Variants in ACBD6 observed in about 807,000 individuals in gnomAD.
ACBD6 encodes the protein acyl-CoA binding domain containing 6, also known as acyl-CoA-binding domain-containing protein 6.
ACBD6 carries 28 observed loss-of-function variants against 37.2 expected under a neutral mutation model. That is an observed-to-expected ratio of 0.75 (90% CI 0.56 to 1.03). ACBD6 has a LOEUF of 1.03. ACBD6 is among the 50% of genes least tolerant of loss of function. The pLI, the probability that ACBD6 is intolerant of heterozygous loss-of-function variation, is 0.00. For synonymous variants in ACBD6, 113 were observed against 126.8 expected, an observed-to-expected ratio of 0.89 and a Z score of 0.73; for missense variants, 340 against 337.4, an observed-to-expected ratio of 1.01 and a Z score of -0.06.
At chr1:180,298,248 G>A (rs1019677036) in intron 7 of ACBD6, among the ~76,000 whole-genome samples, 6 of 152,172 alleles carry the variant, frequency 3.9e-5, no homozygotes, top group African/African-American at 1.4e-4. Context: ...TTACACTGCA[G>A]TTATTAGTCT....
chr1:180,435,334 C>T (rs1474391789), intron 3 of ACBD6: 13 of 435,770 alleles, frequency 3.0e-5, no homozygotes, highest in Non-Finnish European at 4.3e-5. Context: ...CTGCAAGCTC[C>T]GTCTCCTGGT....
chr1:180,339,824 T>C (rs560710264), intron 6 of ACBD6, among the ~76,000 whole-genome samples: 1 of 150,384 alleles, frequency 6.6e-6, no homozygotes, highest in South Asian at 2.1e-4. Context: ...GTATACTAGA[T>C]GATGGTACGT....
intron 1 of ACBD6, among the ~76,000 whole-genome samples, chr1:180,498,456 T>G (rs1026329905): frequency 6.6e-6 from 1 of 152,238 alleles, no homozygotes; most frequent in Non-Finnish European, 1.5e-5. Context: ...CACAAGTGCT[T>G]TTCCTCAAAA....
At chr1:180,438,185 C>G (rs562245105) in intron 3 of ACBD6, 78 of 152,598 alleles carry the variant, frequency 5.1e-4, no homozygotes, top group Non-Finnish European at 1.1e-3. Context: ...GATCTGAAGT[C>G]AAATGGTTTA....
intron 3 of ACBD6, among the ~76,000 whole-genome samples, chr1:180,448,805 T>C (rs1193394669): frequency 6.6e-6 from 1 of 152,238 alleles, no homozygotes; most frequent in Non-Finnish European, 1.5e-5. Context: ...GAGATGCCAA[T>C]GCCACACAAA....
intron 5 of ACBD6, among the ~76,000 whole-genome samples, chr1:180,410,649 T>C (rs1315324607): frequency 6.6e-6 from 1 of 151,244 alleles, no homozygotes; most frequent in Non-Finnish European, 1.5e-5. Context: ...CTACTGTTGA[T>C]ACCCACTGCT....
chr1:180,454,754 C>T (rs936821369), intron 3 of ACBD6, among the ~76,000 whole-genome samples: 3 of 152,024 alleles, frequency 2.0e-5, no homozygotes, highest in Non-Finnish European at 4.4e-5. Context: ...ACGCAGCCAA[C>T]AAACATATGA....
At chr1:180,282,866 T>A (rs1389915528) in intron 8 of ACBD6, among the ~76,000 whole-genome samples, 1 of 152,118 alleles carries the variant, frequency 6.6e-6, no homozygotes, top group Non-Finnish European at 1.5e-5. Flanking sequence ...CCACTTTCTG[T>A]ATCGGTAGTT....
At chr1:180,389,464 G>A (rs944194202) in intron 6 of ACBD6, among the ~76,000 whole-genome samples, 13 of 152,148 alleles carry the variant, frequency 8.5e-5, no homozygotes, top group Admixed American at 3.3e-4. Context: ...ATAAACATAC[G>A]TGTGCATGTG....
intron 6 of ACBD6, among the ~76,000 whole-genome samples, chr1:180,320,884 A>G (rs948702951): frequency 6.6e-6 from 1 of 151,924 alleles, no homozygotes; most frequent in African/African-American, 2.4e-5. Context: ...AGTCCTGGAG[A>G]GTTTCCCCAA....
chr1:180,394,814 T>C (rs1654201455), intron 6 of ACBD6, among the ~76,000 whole-genome samples: 1 of 152,136 alleles, frequency 6.6e-6, no homozygotes, highest in African/African-American at 2.4e-5. Flanking sequence ...ATACATAGGA[T>C]ACATATATCA....
intron 9 of ACBD6, chr1:180,278,855 C>T (rs991795374): frequency 1.4e-4 from 22 of 151,966 alleles, no homozygotes; most frequent in African/African-American, 5.3e-4. Flanking sequence ...AAAAGACCCA[C>T]CCATCCTTAT....
At chr1:180,337,237 C>T (rs557806138) in intron 6 of ACBD6, among the ~76,000 whole-genome samples, 3,480 of 151,918 alleles carry the variant, frequency 0.023, 137 homozygotes, top group African/African-American at 0.079. Context: ...TGATGAACAT[C>T]GATGCAAAAA....
At chr1:180,460,910 C>T (rs1258659845) in intron 3 of ACBD6, among the ~76,000 whole-genome samples, 3 of 152,150 alleles carry the variant, frequency 2.0e-5, no homozygotes, top group African/African-American at 4.8e-5. Flanking sequence ...ATGGCTGAAA[C>T]AACAGAAACA....
intron 9 of ACBD6, among the ~76,000 whole-genome samples, chr1:180,280,585 A>G (rs1395890358): frequency 2.0e-5 from 3 of 151,930 alleles, no homozygotes; most frequent in African/African-American, 7.3e-5. Context: ...TTTAGTGGAG[A>G]CCCCCTCTGC....
At chr1:180,468,628 C>A (rs1650443698) in intron 3 of ACBD6, among the ~76,000 whole-genome samples, 1 of 152,154 alleles carries the variant, frequency 6.6e-6, no homozygotes, top group Non-Finnish European at 1.5e-5. Context: ...CTCCTGGAGA[C>A]AGACTATTTT....
At chr1:180,307,597 C>T (rs1472287309) in intron 7 of ACBD6, among the ~76,000 whole-genome samples, 1 of 152,150 alleles carries the variant, frequency 6.6e-6, no homozygotes, top group Admixed American at 6.5e-5. Flanking sequence ...CATTGGATCC[C>T]TGTATCAAAG....
intron 4 of ACBD6, among the ~76,000 whole-genome samples, chr1:180,415,289 CA>C (rs1249939714): frequency 6.6e-6 from 1 of 151,332 alleles, no homozygotes; most frequent in East Asian, 1.9e-4. Flanking sequence ...CCCAGCTACT[CA>C]GGAGGCTGAG....
rs189085231 is a variant in ACBD6, at chr1:180,434,769, C to T, written c.385-4507G>A. Reference sequence around the variant, plus strand: ...TACCTCAACAGGCCATAGCCGCAACCGAGCCTGCTGCCAATGCCTCTAAGC... The same window carrying T: ...TACCTCAACAGGCCATAGCCGCAACTGAGCCTGCTGCCAATGCCTCTAAGC... On this transcript the variant is annotated intron_variant, in intron 3 of 7. Coordinates refer to ENST00000367595, the MANE Select transcript of ACBD6 (RefSeq NM_032360.4). 58 of 640,022 alleles carry T rather than the reference C, an allele frequency of 9.1e-5. 1 individual carries two copies. Among genetic ancestry groups the T allele is most frequent in the Middle Eastern group, 8.5e-4 (2 of 2,356 alleles). 39.6% of individuals were successfully genotyped at this position (640,022 alleles called of 1,614,324 possible).
Sources: gnomAD v4.1 joint callset for allele counts (sites outside exome capture counted in the v4.1 genomes callset) on GRCh38, gnomAD v4.1.1 for gene constraint, MANE v1.5 for transcripts, NCBI Gene and HGNC (gene_info 2026-07-23, HGNC 2026-07-21) for gene names.